KCTD1: variants seen among roughly 807,000 people sequenced by gnomAD.
KCTD1 encodes the protein BTB/POZ domain-containing protein KCTD1.
In KCTD1, 24 loss-of-function variants were observed where a neutral mutation model predicts 66.0. The observed-to-expected ratio is 0.36, with a 90% CI of 0.26 to 0.51. The LOEUF is 0.51. Among genes scored for constraint, KCTD1 ranks in the 20% least tolerant of loss-of-function variants. The pLI, the probability that KCTD1 is intolerant of heterozygous loss-of-function variation, is 0.95. For synonymous variants in KCTD1, 511 were observed against 517.2 expected (o/e 0.99, Z 0.16); for missense variants, 943 against 1,205.2 (o/e 0.78, Z 3.22).
chr18:26,623,041 T>G (rs1987422482), intron 1 of KCTD1, among the ~76,000 whole-genome samples: 2 of 152,134 alleles, frequency 1.3e-5, no homozygotes, highest in African/African-American at 4.8e-5. Context: ...CTTTTCTGTC[T>G]CTTACATTGT....
chr18:26,643,696 C>T (rs1460159554), upstream of KCTD1, among the ~76,000 whole-genome samples: 1 of 152,152 alleles, frequency 6.6e-6, no homozygotes, highest in East Asian at 1.9e-4. Flanking sequence ...GGTGCGGTGG[C>T]TCACGCCTGT....
At chr18:26,532,446 T>C (rs1567983043) in intron 1 of KCTD1, among the ~76,000 whole-genome samples, 1 of 151,900 alleles carries the variant, frequency 6.6e-6, no homozygotes, top group Non-Finnish European at 1.5e-5. Flanking sequence ...TAAATTTTTG[T>C]AGAGATGGGG....
intron 1 of KCTD1, among the ~76,000 whole-genome samples, chr18:26,579,626 C>T (rs1230022499): frequency 1.3e-5 from 2 of 152,128 alleles, no homozygotes; most frequent in East Asian, 1.9e-4. Flanking sequence ...TCAGATTTTC[C>T]ATAAATTACA....
rs777901919 is a variant in KCTD1 at position 26,572,824 on chromosome 18, T to C, written c.-16+56323A>G. Among the ~76,000 whole-genome samples, 7 of 152,300 alleles carry C rather than the reference T, an allele frequency of 4.6e-5. No homozygotes were observed. The Middle Eastern group carries it at 0.02, about 444-fold the overall frequency. On this transcript the variant is annotated intron_variant, in intron 1 of 4. Coordinates refer to the KCTD1 transcript ENST00000317932. ...GAGAGGACATAAAATCTCAAGATAGTTGCAGGTCAAACTAGTGTAGGAGTT... is the reference window on the plus strand; with the variant it reads ...GAGAGGACATAAAATCTCAAGATAGCTGCAGGTCAAACTAGTGTAGGAGTT...
intron 1 of KCTD1, among the ~76,000 whole-genome samples, chr18:26,512,442 T>C (rs1352826185): frequency 1.3e-5 from 2 of 150,170 alleles, no homozygotes; most frequent in Admixed American, 6.6e-5. Context: ...TTGACGTTTT[T>C]GCATTAAAAA....
At chr18:26,656,454 G>A (rs920883787) in intron 1 of KCTD1, among the ~76,000 whole-genome samples, 2 of 152,108 alleles carry the variant, frequency 1.3e-5, no homozygotes, top group African/African-American at 4.8e-5. Context: ...TCCAAAAGGG[G>A]GAGGAGGGCT....
intron 1 of KCTD1, among the ~76,000 whole-genome samples, chr18:26,567,360 C>A (rs1447395793): frequency 3.3e-5 from 5 of 152,136 alleles, no homozygotes; most frequent in Admixed American, 2.6e-4. Flanking sequence ...ATTTGCAATT[C>A]CAGCATGCTT....
At chr18:26,489,266 G>A (rs1421586829) in intron 2 of KCTD1, among the ~76,000 whole-genome samples, 2 of 152,158 alleles carry the variant, frequency 1.3e-5, no homozygotes, top group African/African-American at 2.4e-5. Flanking sequence ...TTTTATACGC[G>A]ACTTATATAA....
At chr18:26,500,969 T>C in intron 2 of KCTD1, 103 bp downstream of exon 2, 2 of 1,302,434 alleles carry the variant, frequency 1.5e-6, no homozygotes, top group Non-Finnish European at 2.1e-6. Flanking sequence ...TTTCACATCC[T>C]GCCCCCTGCC....
chr18:26,638,846 A>C (rs1987776856), intron 1 of KCTD1, among the ~76,000 whole-genome samples: 1 of 152,246 alleles, frequency 6.6e-6, no homozygotes, highest in Non-Finnish European at 1.5e-5. Context: ...GCTCCTAAAA[A>C]TGTTGCTTTT....
chr18:26,581,304 G>A (rs1598951107), intron 1 of KCTD1: 2 of 152,320 alleles, frequency 1.3e-5, no homozygotes, highest in Non-Finnish European at 1.5e-5. Context: ...CTATAGTGCA[G>A]TGGTATGATC....
intron 4 of KCTD1, chr18:26,458,423 A>G (rs1468985805): frequency 2.6e-5 from 4 of 152,236 alleles, no homozygotes; most frequent in Non-Finnish European, 5.9e-5. Context: ...CCAGTTAAAA[A>G]GAGGGAAAAA....
intron 3 of KCTD1, among the ~76,000 whole-genome samples, chr18:26,470,277 G>A (rs973572753): frequency 3.6e-3 from 15 of 4,218 alleles, no homozygotes; most frequent in Non-Finnish European, 0.012. Flanking sequence ...AAAAATAAGC[G>A]AAGAAAAAAA....
At chr18:26,621,079 C>T (rs1200425432) in intron 1 of KCTD1, among the ~76,000 whole-genome samples, 1 of 151,348 alleles carries the variant, frequency 6.6e-6, no homozygotes. Flanking sequence ...GTGATCCACC[C>T]GCCTCCGCCT....
chr18:26,476,590 G>A lies in KCTD1; in HGVS notation c.2058C>T (p.Asp686=), dbSNP rs1441140033. ...TATATCTGAACATCTGTCCATCTCT[G>A]TCAATGAAATAGTGCTGTTTGAGAC... is the stretch of plus-strand genomic sequence containing the variant. ...LDSLKQHYFI[D]RDGQMFRYIL... Residue 686 remains aspartate (D), a synonymous_variant, in exon 3 of 5, where the codon GAC becomes GAT. Coordinates refer to ENST00000580059, the MANE Select transcript of KCTD1 (RefSeq NM_001142730.3). This position sits in a 1 kb window ranked among gnomAD's most constrained non-coding sequence, Gnocchi z 4.9. The A allele has an allele frequency of 3.1e-6, 5 of 1,613,642 alleles. No individual in the cohort carries two copies. The East Asian group carries it at 1.1e-4, about 36-fold the overall frequency.
chr18:26,577,144 A>T (rs990230898), intron 1 of KCTD1, among the ~76,000 whole-genome samples: 1 of 152,152 alleles, frequency 6.6e-6, no homozygotes, highest in Non-Finnish European at 1.5e-5. Context: ...TGCCCCATCA[A>T]CCTTACCCAG....
At chr18:26,597,060 G>C (rs915317446) in intron 1 of KCTD1, among the ~76,000 whole-genome samples, 12 of 151,818 alleles carry the variant, frequency 7.9e-5, no homozygotes, top group African/African-American at 2.4e-4. Context: ...AGTCTCGGTG[G>C]GTAAAGAGAA....
intron 1 of KCTD1, among the ~76,000 whole-genome samples, chr18:26,564,892 GA>G (rs370016340): frequency 0.13 from 12,122 of 93,928 alleles, 703 homozygotes; most frequent in African/African-American, 0.25. Flanking sequence ...TCTGTCTCAA[GA>G]AAAAAAAAAA....
intron 1 of KCTD1, among the ~76,000 whole-genome samples, chr18:26,600,491 G>GT (rs1986867788): frequency 8.2e-6 from 1 of 121,920 alleles, no homozygotes; most frequent in Non-Finnish European, 1.9e-5. Context: ...GAAGCTGGCT[G>GT]GGGGGGGTGC....
Sources: gnomAD v4.1 joint callset for allele counts (sites outside exome capture counted in the v4.1 genomes callset) on GRCh38, gnomAD v4.1.1 for gene constraint, Gnocchi (gnomAD v3.1) non-coding constraint, MANE v1.5 for transcripts, NCBI Gene and HGNC (gene_info 2026-07-23, HGNC 2026-07-21) for gene names.